Variants in PLXNA2 observed in about 807,000 individuals in gnomAD.
PLXNA2 encodes the protein plexin A2.
PLXNA2 carries 91 observed loss-of-function variants against 193.5 expected under a neutral mutation model. The ratio of observed to expected loss-of-function variants is 0.47; its 90% CI spans 0.40 to 0.56. The LOEUF (loss-of-function observed/expected upper bound fraction) is 0.56, where lower values mean the gene tolerates loss of function less well. Among genes scored for constraint, PLXNA2 ranks in the 20% least tolerant of loss-of-function variants. The pLI, the probability that PLXNA2 is intolerant of heterozygous loss-of-function variation, is 0.00. For missense variants in PLXNA2, 1,995 were observed against 2,503.2 expected (o/e 0.80, Z 4.33); for synonymous variants, 997 against 1,027.3 (o/e 0.97, Z 0.56).
chr1:208,224,529 G>A (rs1293084495), intron 1 of PLXNA2, among the ~76,000 whole-genome samples: 1 of 152,058 alleles, frequency 6.6e-6, no homozygotes, highest in Non-Finnish European at 1.5e-5. Context: ...GGAAAAGGGG[G>A]AGGGGGGTGA....
chr1:208,233,502 G>A (rs146422441), intron 1 of PLXNA2, among the ~76,000 whole-genome samples: 21 of 152,198 alleles, frequency 1.4e-4, no homozygotes, highest in Admixed American at 3.9e-4. Flanking sequence ...CTGGGGGCCC[G>A]CAGTGGAAGT....
intron 8 of PLXNA2, 62 bp from the exon 9 acceptor site, chr1:208,092,962 T>A: frequency 8.6e-7 from 1 of 1,166,688 alleles, no homozygotes; most frequent in Non-Finnish European, 1.3e-6. Context: ...GTGGCATGTG[T>A]CATGATAGAA....
intron 3 of PLXNA2, among the ~76,000 whole-genome samples, chr1:208,186,414 A>G (rs1291814160): frequency 6.6e-6 from 1 of 152,222 alleles, no homozygotes; most frequent in African/African-American, 2.4e-5. Flanking sequence ...TTTGGCAAAA[A>G]AACAAACAAA....
intron 3 of PLXNA2, among the ~76,000 whole-genome samples, chr1:208,152,120 C>T (rs1224519426): frequency 1.3e-5 from 2 of 152,152 alleles, no homozygotes; most frequent in Non-Finnish European, 2.9e-5. Context: ...TAATCTGGAA[C>T]AGTAATCTTT....
chr1:208,041,087 G>A (rs1442280599), intron 22 of PLXNA2, among the ~76,000 whole-genome samples: 1 of 152,206 alleles, frequency 6.6e-6, no homozygotes, highest in Non-Finnish European at 1.5e-5. Flanking sequence ...GCTCCTCCCA[G>A]CACCCTCTCC....
intron 4 of PLXNA2, among the ~76,000 whole-genome samples, chr1:208,124,766 C>T (rs936236037): frequency 1.3e-5 from 2 of 151,350 alleles, no homozygotes; most frequent in African/African-American, 4.9e-5. Flanking sequence ...AATAAATTTC[C>T]TATACATGTG....
intron 29 of PLXNA2, chr1:208,030,303 G>T (rs1664459234): frequency 2.0e-6 from 2 of 985,500 alleles, no homozygotes; most frequent in Non-Finnish European, 1.2e-6. Context: ...ACGATGCCAG[G>T]GTAGTCCATT....
In PLXNA2 at chr1:208,131,657, A is replaced by G. The variant is rs1043769774; in HGVS notation, c.1506+10672T>C. 2.6e-5 allele frequency among the ~76,000 whole-genome samples: 4 copies of G among 152,154 alleles called. No homozygotes were observed. The East Asian group carries it at 7.7e-4, about 29-fold the overall frequency. On this transcript the variant is annotated intron_variant, in intron 4 of 31. Coordinates refer to ENST00000367033, the MANE Select transcript of PLXNA2 (RefSeq NM_025179.4). Reference sequence around the variant, plus strand: ...AGGGATTGAGCTGATATGGGTTTGCATGGTTCACACTTGAAACAGCACCAG... The same window carrying G: ...AGGGATTGAGCTGATATGGGTTTGCGTGGTTCACACTTGAAACAGCACCAG...
chr1:208,031,851 T>C (rs371098377), intron 28 of PLXNA2, 92 bp from the exon 29 acceptor site: 21 of 1,308,952 alleles, frequency 1.6e-5, no homozygotes, highest in East Asian at 1.2e-4. Flanking sequence ...CATCCTGCCT[T>C]GGAAATTTGT....
At chr1:208,051,849 A>C (rs906540958) in intron 15 of PLXNA2, among the ~76,000 whole-genome samples, 1 of 152,234 alleles carries the variant, frequency 6.6e-6, no homozygotes, top group Non-Finnish European at 1.5e-5. Context: ...AATCCTGGGC[A>C]AACTGGGTTC....
At chr1:208,043,865 A>C (rs1558161584) in intron 20 of PLXNA2, among the ~76,000 whole-genome samples, 1 of 152,222 alleles carries the variant, frequency 6.6e-6, no homozygotes, top group Non-Finnish European at 1.5e-5. Context: ...AAATGTTTTC[A>C]TTCCTAATTG....
In PLXNA2 at chr1:208,154,469, G is replaced by T. The variant is rs116330521; in HGVS notation, c.1372-12006C>A. Among the ~76,000 whole-genome samples the T allele has an allele frequency of 3.1e-3, 471 of 152,294 alleles. 4 individuals are homozygous for T. Among genetic ancestry groups the T allele is most frequent in the African/African-American group, 0.011 (440 of 41,568 alleles). ...TAGGATTCATGTGCTGTTGGGCCTG[G>T]ACAGCCACATCATCGCACCCAAAAA... On this transcript the variant is annotated intron_variant, in intron 3 of 31. Transcript: ENST00000367033.
intron 9 of PLXNA2, among the ~76,000 whole-genome samples, chr1:208,084,963 T>C (rs12096904): frequency 0.24 from 36,285 of 151,972 alleles, 4,631 homozygotes; most frequent in Admixed American, 0.33. Flanking sequence ...GCCCCTTGCA[T>C]TGTCTGATGC....
Position 208,145,515 on chromosome 1 carries a change from C to T in PLXNA2, c.1372-3052G>A, listed in dbSNP as rs187088047. On this transcript the variant is annotated intron_variant, in intron 3 of 31. Transcript: ENST00000367033. ...CTTTTCCTACATGTTGGCCTCTACCCTCTCCCAGAGCCTGGGCACTTGCGT... is the reference window on the plus strand; with the variant it reads ...CTTTTCCTACATGTTGGCCTCTACCTTCTCCCAGAGCCTGGGCACTTGCGT... Among the ~76,000 whole-genome samples, 3 of 152,340 alleles carry T rather than the reference C, an allele frequency of 2.0e-5. No individual in the cohort carries two copies. In the East Asian group the frequency reaches 5.8e-4, roughly 29 times the overall value.
At chr1:208,238,349 C>T (rs1326331038) in intron 1 of PLXNA2, among the ~76,000 whole-genome samples, 1 of 152,204 alleles carries the variant, frequency 6.6e-6, no homozygotes, top group Non-Finnish European at 1.5e-5. Context: ...CAGAATTAAA[C>T]TTTCATAACA....
rs567089941 is a variant in PLXNA2, at chr1:208,041,200, A to G, written c.4286+898T>C. Among the ~76,000 whole-genome samples, 6 of 152,294 alleles carry G rather than the reference A, an allele frequency of 3.9e-5. No homozygotes were observed. In the East Asian group the frequency reaches 1.2e-3, roughly 29 times the overall value. ...ATGGGGGCTCAGTACTCATAAAGCA[A>G]AGCCATTCTTCCTCCCTCCTCACCC... On this transcript the variant is annotated intron_variant, in intron 22 of 31. Transcript: ENST00000367033.
intron 3 of PLXNA2, among the ~76,000 whole-genome samples, chr1:208,191,781 G>A (rs1670189049): frequency 6.6e-6 from 1 of 152,206 alleles, no homozygotes; most frequent in Non-Finnish European, 1.5e-5. Flanking sequence ...CATAATTGGG[G>A]TGCTATGAAG....
intron 3 of PLXNA2, among the ~76,000 whole-genome samples, chr1:208,149,795 T>G (rs11578181): frequency 0.22 from 32,733 of 152,146 alleles, 4,403 homozygotes; most frequent in Non-Finnish European, 0.31. Context: ...ATTCTGTCTC[T>G]GAGACTCTTC....
In PLXNA2 at chr1:208,027,114, TC is replaced by T; in HGVS notation, c.*128del. 3.6e-6 allele frequency: 3 copies of T among 832,506 alleles called. No homozygotes were observed. In the Admixed American group the frequency reaches 6.2e-5, roughly 17 times the overall value. The allele number at this position is 832,506 out of a possible 1,614,324, so 51.6% of individuals were successfully genotyped here. On this transcript the variant is annotated 3_prime_UTR_variant, in exon 32 of 32. Coordinates refer to ENST00000367033, the MANE Select transcript of PLXNA2 (RefSeq NM_025179.4). ...GCGTAGGGAGAGGAGTCCTCCCCTC[TC>T]CCCAGGATGGGGTCTCAGGGGACAG... is the stretch of plus-strand genomic sequence containing the variant.
Sources: gnomAD v4.1 joint callset for allele counts (sites outside exome capture counted in the v4.1 genomes callset) on GRCh38, gnomAD v4.1.1 for gene constraint, MANE v1.5 for transcripts, NCBI Gene and HGNC (gene_info 2026-07-23, HGNC 2026-07-21) for gene names.